BICDL1: variants seen among roughly 807,000 people sequenced by gnomAD.
BICDL1 encodes the protein BICD family like cargo adaptor 1.
Under a neutral mutation model 76.8 loss-of-function variants are expected in BICDL1, and 20 were observed. The observed-to-expected ratio is 0.26, with a 90% confidence interval of 0.18 to 0.38. The LOEUF (loss-of-function observed/expected upper bound fraction) is 0.38. Ranked by LOEUF, BICDL1 falls within the 10% of genes least tolerant of loss-of-function variation. The pLI is 1.00. For missense variants in BICDL1, 700 were observed against 798.6 expected (o/e 0.88, Z 1.49); for synonymous variants, 383 against 337.1 (o/e 1.14, Z -1.49).
At chr12:120,084,877 G>A (rs1197470002) in intron 8 of BICDL1, among the ~76,000 whole-genome samples, 2 of 150,738 alleles carry the variant, frequency 1.3e-5, no homozygotes, top group South Asian at 2.1e-4. Flanking sequence ...GCAACAGAAC[G>A]GGGACTCTGT....
intron 8 of BICDL1, among the ~76,000 whole-genome samples, chr12:120,086,334 C>T (rs758511418): frequency 6.6e-6 from 1 of 152,200 alleles, no homozygotes; most frequent in Non-Finnish European, 1.5e-5. Context: ...AAAGAGGAAA[C>T]CACACCCCCC....
At chr12:120,041,520 A>G (rs569498064) in intron 2 of BICDL1, among the ~76,000 whole-genome samples, 2 of 152,124 alleles carry the variant, frequency 1.3e-5, no homozygotes, top group Admixed American at 1.3e-4. Flanking sequence ...TGAAACTTAC[A>G]TCAAGGGCAG....
chr12:120,057,947 C>T (rs1472982492), intron 2 of BICDL1, among the ~76,000 whole-genome samples: 2 of 151,252 alleles, frequency 1.3e-5, no homozygotes, highest in African/African-American at 4.9e-5. Flanking sequence ...TCTCCTGCCT[C>T]AGCCTCCCGA....
chr12:119,990,878 G>T (rs573417124), intron 1 of BICDL1, among the ~76,000 whole-genome samples: 72 of 152,364 alleles, frequency 4.7e-4, no homozygotes, highest in Non-Finnish European at 8.7e-4. Flanking sequence ...ACCGCTGGTA[G>T]TGGATTTAAT....
At chr12:119,992,609 T>A (rs1351927437) in intron 1 of BICDL1, 1 of 152,306 alleles carries the variant, frequency 6.6e-6, no homozygotes, top group Non-Finnish European at 1.5e-5. Flanking sequence ...GGTCTCAAAC[T>A]ACGGGGCTCA....
intron 2 of BICDL1, chr12:120,000,148 GAGAA>G (rs373577426): frequency 6.5e-5 from 10 of 154,698 alleles, no homozygotes; most frequent in African/African-American, 1.9e-4. Flanking sequence ...AGAGGAGAGG[GAGAA>G]AGAAAGAAGG....
chr12:120,077,890 A>G (rs1873683850), intron 7 of BICDL1, among the ~76,000 whole-genome samples: 1 of 150,300 alleles, frequency 6.7e-6, no homozygotes. Context: ...TCCCATTATC[A>G]AATAGCAGGA....
intron 2 of BICDL1, among the ~76,000 whole-genome samples, chr12:120,009,702 C>G (rs1303622041): frequency 6.6e-6 from 1 of 152,158 alleles, no homozygotes; most frequent in Non-Finnish European, 1.5e-5. Context: ...AGTTGACAGG[C>G]AGACAAAAAG....
At chr12:120,089,332 CGT>C (rs950380068) in intron 8 of BICDL1, among the ~76,000 whole-genome samples, 19 of 149,228 alleles carry the variant, frequency 1.3e-4, no homozygotes, top group South Asian at 2.1e-4. Flanking sequence ...GCTCTTTCAA[CGT>C]GTGTGTGGCG....
At position 120,061,894 on chromosome 12, in the gene BICDL1, C is replaced by T. The variant is rs190709726; in HGVS notation, c.762+68C>T. Reference sequence around the variant, plus strand: ...TCTCACTGGGAGACAAAAAACTGCTCTATGTAAAAGGGCCTAAAATCTCTA... The same window carrying T: ...TCTCACTGGGAGACAAAAAACTGCTTTATGTAAAAGGGCCTAAAATCTCTA... On this transcript the variant is annotated intron_variant, in intron 3 of 9. Coordinates refer to ENST00000548673, the MANE Select transcript of BICDL1 (RefSeq NM_001367886.1). 1.3e-4 allele frequency: 150 copies of T among 1,112,950 alleles called. 1 individual carries two copies. Among genetic ancestry groups the T allele is most frequent in the Non-Finnish European group, 1.8e-4 (133 of 732,390 alleles). 68.9% of individuals were successfully genotyped at this position (1,112,950 alleles called of 1,614,324 possible). A position where few individuals can be genotyped will look rare whatever the true frequency, so the allele number is the denominator to read the frequency against.
chr12:120,080,877 C>A lies in BICDL1; in HGVS notation c.1453-10C>A, dbSNP rs780900212. On this transcript the variant is annotated splice_polypyrimidine_tract_variant and intron_variant, in intron 7 of 9. Transcript: ENST00000548673. Reference sequence around the variant, plus strand: ...CAGCAGCAGTGATACCATATTCATTCTCCTGTTAGGTGACACTGCTGAGTG... The same window carrying A: ...CAGCAGCAGTGATACCATATTCATTATCCTGTTAGGTGACACTGCTGAGTG... The A allele has an allele frequency of 6.2e-7, 1 of 1,612,162 alleles. No individual in the cohort carries two copies. The highest frequency in any genetic ancestry group is 1.1e-5 in the South Asian group (1 of 90,966).
At chr12:120,029,921 A>G (rs1952387844) in intron 2 of BICDL1, among the ~76,000 whole-genome samples, 1 of 152,206 alleles carries the variant, frequency 6.6e-6, no homozygotes, top group Admixed American at 6.5e-5. Context: ...TGCTGAGATT[A>G]TAGGAGTGAG....
chr12:120,031,870 C>T (rs1566230893), intron 2 of BICDL1, among the ~76,000 whole-genome samples: 1 of 152,072 alleles, frequency 6.6e-6, no homozygotes, highest in Non-Finnish European at 1.5e-5. Context: ...GCAGGAGGAT[C>T]GCTTGAGCCC....
At chr12:120,035,305 C>T (rs1298253590) in intron 2 of BICDL1, among the ~76,000 whole-genome samples, 6 of 152,168 alleles carry the variant, frequency 3.9e-5, no homozygotes, top group Non-Finnish European at 8.8e-5. Context: ...CACCACATTC[C>T]AGCCTAGGTA....
chr12:120,060,976 T>G (rs562746343), intron 2 of BICDL1, among the ~76,000 whole-genome samples: 18 of 152,240 alleles, frequency 1.2e-4, no homozygotes, highest in Admixed American at 6.5e-5. Context: ...GTGGCTCTCC[T>G]CTCCACAGGA....
In BICDL1 at chr12:119,989,707, G is replaced by T. The variant is rs1023132352; in HGVS notation, c.-162G>T. On this transcript the variant is annotated 5_prime_UTR_variant, in exon 1 of 10. Coordinates refer to ENST00000548673, the MANE Select transcript of BICDL1 (RefSeq NM_001367886.1). ...CGTGCCGCCGGCGCGGGGGAGGGGC[G>T]GGCCGGCGCGCGCCGCGCCCAGGGC... is the stretch of plus-strand genomic sequence containing the variant. Among the ~76,000 whole-genome samples, 3 of 145,144 alleles carry T rather than the reference G, an allele frequency of 2.1e-5. No individual in the cohort carries two copies. Among genetic ancestry groups the T allele is most frequent in the African/African-American group, 4.9e-5 (2 of 40,522 alleles).
At chr12:120,085,549 C>T (rs1279134999) in intron 8 of BICDL1, among the ~76,000 whole-genome samples, 1 of 152,168 alleles carries the variant, frequency 6.6e-6, no homozygotes, top group African/African-American at 2.4e-5. Flanking sequence ...GGCAAGGGCG[C>T]CTGTAATCCT....
Position 120,079,318 on chromosome 12 carries a change from A to G in BICDL1, c.1453-1569A>G, listed in dbSNP as rs1873796604. ...CGTCTCGTTCTGGAGAATGTCTGAA[A>G]TGTATTGATTTTCAGACACTTCAAG... On this transcript the variant is annotated intron_variant, in intron 7 of 9. Transcript: ENST00000548673. The surrounding 1 kb of genome is among the most constrained non-coding windows in gnomAD (Gnocchi z 4.3). Among the ~76,000 whole-genome samples the G allele has an allele frequency of 6.6e-6, 1 of 152,334 alleles. No homozygotes were observed. Among genetic ancestry groups the G allele is most frequent in the African/African-American group, 2.4e-5 (1 of 41,572 alleles).
Position 119,989,947 on chromosome 12 carries a change from C to A in BICDL1, c.79C>A (p.Pro27Thr). ...EPDSACCMEL[P>T]AAAGDAVRSP... ...GGACAGCGCCTGCTGCATGGAGCTGCCCGCCGCGGCCGGGGACGCAGTCCG... is the reference window on the plus strand; with the variant it reads ...GGACAGCGCCTGCTGCATGGAGCTGACCGCCGCGGCCGGGGACGCAGTCCG... Residue 27 changes from proline to threonine, a missense_variant, in exon 1 of 10, where the codon CCC becomes ACC. By Grantham distance (38) the Pro-to-Thr change is conservative. Transcript: ENST00000548673. The A allele has an allele frequency of 1.4e-6, 2 of 1,465,826 alleles. No individual in the cohort carries two copies. Among genetic ancestry groups the A allele is most frequent in the South Asian group, 1.4e-5 (1 of 73,032 alleles). The allele number at this position is 1,465,826 out of a possible 1,614,324, so 90.8% of individuals were successfully genotyped here. A position where few individuals can be genotyped will look rare whatever the true frequency, so the allele number is the denominator to read the frequency against.
Sources: allele counts gnomAD v4.1 joint callset (sites outside exome capture counted in the v4.1 genomes callset), GRCh38; gene constraint gnomAD v4.1.1; non-coding constraint Gnocchi (gnomAD v3.1); transcripts MANE v1.5; gene names NCBI Gene and HGNC (gene_info 2026-07-23, HGNC 2026-07-21).